The following ZNF207 variants were observed in gnomAD, a reference collection of about 807,000 sequenced individuals.
ZNF207 encodes the protein zinc finger protein 207.
Under a neutral mutation model 60.2 loss-of-function variants are expected in ZNF207, and 24 were observed. The ratio of observed to expected loss-of-function variants is 0.40; its 90% CI spans 0.29 to 0.56. The LOEUF (loss-of-function observed/expected upper bound fraction) is 0.56, where lower values mean the gene tolerates loss of function less well. Ranked by LOEUF, ZNF207 falls within the 20% of genes least tolerant of loss-of-function variation. ZNF207 has a pLI of 0.49. For missense variants in ZNF207, 452 were observed against 636.6 expected (o/e 0.71, Z 3.12); for synonymous variants, 236 against 194.7 (o/e 1.21, Z -1.77).
At chr17:32,363,238 C>T (rs1016364237) in intron 7 of ZNF207, among the ~76,000 whole-genome samples, 1 of 152,084 alleles carries the variant, frequency 6.6e-6, no homozygotes. Context: ...CAGGCGCCTG[C>T]TACCACACCT....
intron 8 of ZNF207, among the ~76,000 whole-genome samples, chr17:32,365,744 T>G (rs1335638971): frequency 2.6e-5 from 4 of 151,216 alleles, no homozygotes; most frequent in Non-Finnish European, 5.9e-5. Flanking sequence ...CTTAGTTTTT[T>G]TTTTTTTTTT....
rs1272641605 is a variant in ZNF207 at position 32,357,341 on chromosome 17, TATTATTA to T, written c.169-1161_169-1155del. 1.3e-3 allele frequency among the ~76,000 whole-genome samples: 106 copies of T among 83,198 alleles called. 4 individuals are homozygous for T. Among genetic ancestry groups the T allele is most frequent in the African/African-American group, 4.5e-3 (82 of 18,420 alleles). 54.6% of individuals were successfully genotyped at this position (83,198 alleles called of 152,430 possible). ...TTATTATTATTATTATTATTATTAT[TATTATTA>T]TTATTTTTTTTTTTTTTTGAGACAG... is the stretch of plus-strand genomic sequence containing the variant. On this transcript the variant is annotated intron_variant, in intron 2 of 11. Coordinates refer to ENST00000394670, the MANE Select transcript of ZNF207 (RefSeq NM_001098507.2).
rs1409748963 is a variant in ZNF207, at chr17:32,371,073, A to G, written c.*1314A>G. 4 of 152,206 alleles carry G rather than the reference A, an allele frequency of 2.6e-5. No homozygotes were observed. Among genetic ancestry groups the G allele is most frequent in the Admixed American group, 6.5e-5 (1 of 15,280 alleles). The allele number at this position is 152,206 out of a possible 1,614,324, so 9.4% of individuals were successfully genotyped here. A position where few individuals can be genotyped will look rare whatever the true frequency, so the allele number is the denominator to read the frequency against. On this transcript the variant is annotated 3_prime_UTR_variant, in exon 12 of 12. Transcript: ENST00000394670. ...TCTGTAGAGATGACTGCTATTCAAT[A>G]TTTTGTGTTGCAACCTCTTAAAATA...
chr17:32,365,514 G>A, intron 8 of ZNF207, 27 bp downstream of exon 8: 1 of 1,609,130 alleles, frequency 6.2e-7, no homozygotes, highest in Non-Finnish European at 8.5e-7. Flanking sequence ...GAAAAGGAGT[G>A]CACTTATATT....
In ZNF207 at chr17:32,360,605, A is replaced by G. The variant is rs775192243; in HGVS notation, c.315A>G (p.Gln105=). 14 of 1,589,776 alleles carry G rather than the reference A, an allele frequency of 8.8e-6. No homozygotes were observed. Among genetic ancestry groups the G allele is most frequent in the Middle Eastern group, 1.7e-4 (1 of 5,954 alleles). The change falls in exon 4 of 12, where the codon CAA becomes CAG. Residue 105 remains glutamine (Q), a synonymous_variant. Transcript: ENST00000394670. Reference sequence around the variant, plus strand: ...ATTTTTTTTTTTTAACAGAAAGTCAAAAAAAGAAGCAACAAGATGATTCTG... The same window carrying G: ...ATTTTTTTTTTTTAACAGAAAGTCAGAAAAAGAAGCAACAAGATGATTCTG... ...RLLEQKTQES[Q]KKKQQDDSDE...
rs1033211405 is a variant in ZNF207, at chr17:32,381,109, A to G, written c.*11350A>G. On this transcript the variant is annotated 3_prime_UTR_variant, in exon 12 of 12. Coordinates refer to ENST00000394670, the MANE Select transcript of ZNF207 (RefSeq NM_001098507.2). ...TTGATTATTTCTGAGGAAAAGGTCC[A>G]TTTATTTCCAAACTAGTCTGTAGTG... 2 of 152,250 alleles carry G rather than the reference A, an allele frequency of 1.3e-5. No homozygotes were observed. The highest frequency in any genetic ancestry group is 4.8e-5 in the African/African-American group (2 of 41,478). 9.4% of individuals were successfully genotyped at this position (152,250 alleles called of 1,614,324 possible).
chr17:32,363,691 C>G (rs1474830541), intron 7 of ZNF207, among the ~76,000 whole-genome samples: 1 of 151,884 alleles, frequency 6.6e-6, no homozygotes, highest in African/African-American at 2.4e-5. Context: ...ACTACCACGC[C>G]TGGCTCATTT....
At chr17:32,361,185 C>A in intron 5 of ZNF207, 1 of 595,198 alleles carries the variant, frequency 1.7e-6, no homozygotes, top group Non-Finnish European at 2.9e-6. Flanking sequence ...ATGTAAGCAA[C>A]CATCTACTTC....
Position 32,375,140 on chromosome 17 carries a change from A to G in ZNF207, c.*5381A>G, listed in dbSNP as rs1291004885. On this transcript the variant is annotated 3_prime_UTR_variant, in exon 12 of 12. Coordinates refer to ENST00000394670, the MANE Select transcript of ZNF207 (RefSeq NM_001098507.2). ...GTATATGGTTTTCATTCTTGGAAGC[A>G]TAAAGAAAAAATATGCATTAAATGA... 9.9e-5 allele frequency: 15 copies of G among 152,256 alleles called. No individual in the cohort carries two copies. The highest frequency in any genetic ancestry group is 3.6e-4 in the African/African-American group (15 of 41,474). 9.4% of individuals were successfully genotyped at this position (152,256 alleles called of 1,614,324 possible). A position where few individuals can be genotyped will look rare whatever the true frequency, so the allele number is the denominator to read the frequency against.
chr17:32,369,685 C>T lies in ZNF207; in HGVS notation c.1411C>T (p.Pro471Ser). ...PYGQGPPMVP[P>S]YQGGPPRPPM... is the part of the protein sequence containing the mutation. ...TGGGCAGGGACCGCCAATGGTGCCC[C>T]CTTACCAGGGTGGGCCTCCTCGACC... The change falls in exon 12 of 12, where the codon CCT becomes TCT. Residue 471 changes from proline (P) to serine (S), a missense_variant. Pro to Ser is a moderately conservative substitution (Grantham distance 74, BLOSUM62 -1). Transcript: ENST00000394670. The T allele has an allele frequency of 6.3e-6, 10 of 1,598,608 alleles. No homozygotes were observed. The highest frequency in any genetic ancestry group is 8.5e-6 in the Non-Finnish European group (10 of 1,173,266).
rs1213311664 is a variant in ZNF207, at chr17:32,373,749, A to G, written c.*3990A>G. The G allele has an allele frequency of 3.6e-5, 9 of 246,708 alleles. No homozygotes were observed. Among genetic ancestry groups the G allele is most frequent in the African/African-American group, 1.8e-4 (8 of 44,958 alleles). The allele number at this position is 246,708 out of a possible 1,614,324, so 15.3% of individuals were successfully genotyped here. A position where few individuals can be genotyped will look rare whatever the true frequency, so the allele number is the denominator to read the frequency against. ...AACTTCAATAAATTGACAAAATTTG[A>G]TATTTTTGATTGGAGGCAAGAAATG... On this transcript the variant is annotated 3_prime_UTR_variant, in exon 12 of 12. Coordinates refer to ENST00000394670, the MANE Select transcript of ZNF207 (RefSeq NM_001098507.2).
Position 32,365,344 on chromosome 17 carries a change from G to C in ZNF207, c.685G>C (p.Val229Leu), listed in dbSNP as rs1268591015. Residue 229 changes from valine (V) to leucine (L), a missense_variant, in exon 8 of 12, where the codon GTT becomes CTT. Val to Leu is a conservative substitution (Grantham distance 32). Around this residue, in one of 2 missense-constraint regions of ZNF207, gnomAD observed 390 missense variants for 461.4 expected, o/e 0.85. Coordinates refer to ENST00000394670, the MANE Select transcript of ZNF207 (RefSeq NM_001098507.2). ...PGMPPGMPPP[V>L]PRPGIPPMTQ... ...CTTCTCTGCAGGTATGCCCCCACCT[G>C]TTCCACGTCCTGGAATTCCTCCAAT... The C allele has an allele frequency of 6.2e-7, 1 of 1,613,804 alleles. No individual in the cohort carries two copies. Among genetic ancestry groups the C allele is most frequent in the Admixed American group, 1.7e-5 (1 of 59,978 alleles).
intron 7 of ZNF207, among the ~76,000 whole-genome samples, chr17:32,363,377 C>T (rs1425610074): frequency 6.6e-6 from 1 of 151,214 alleles, no homozygotes; most frequent in African/African-American, 2.4e-5. Flanking sequence ...TGTGAGCCAC[C>T]ACGCCTGGCT....
At chr17:32,361,622 C>A in intron 6 of ZNF207, 107 bp downstream of exon 6, 1 of 1,000,918 alleles carries the variant, frequency 1.0e-6, no homozygotes, top group Non-Finnish European at 1.4e-6. Context: ...ATTTTCTAAC[C>A]TTCCTCACTA....
chr17:32,352,593 C>A (rs2041527893), intron 2 of ZNF207, among the ~76,000 whole-genome samples: 1 of 152,196 alleles, frequency 6.6e-6, no homozygotes, highest in South Asian at 2.1e-4. Context: ...AATTAGCAGT[C>A]ATTACTCACT....
chr17:32,361,169 G>C (rs1904860834), intron 5 of ZNF207: 1 of 633,842 alleles, frequency 1.6e-6, no homozygotes, highest in Non-Finnish European at 2.7e-6. Flanking sequence ...TTGGGTTTTA[G>C]GGTATATGTA....
At chr17:32,368,225 C>T in intron 10 of ZNF207, 1 of 632,548 alleles carries the variant, frequency 1.6e-6, no homozygotes, top group East Asian at 2.9e-5. Flanking sequence ...GGTTTCTCTC[C>T]CCTTCCTCCA....
chr17:32,352,332 A>G (rs1165707399), intron 2 of ZNF207, among the ~76,000 whole-genome samples: 1 of 151,860 alleles, frequency 6.6e-6, no homozygotes, highest in Admixed American at 6.6e-5. Context: ...TCACTTACTT[A>G]CTGCAAAAGA....
chr17:32,365,798 T>C (rs1204338392), intron 8 of ZNF207, among the ~76,000 whole-genome samples: 1 of 151,692 alleles, frequency 6.6e-6, no homozygotes, highest in East Asian at 1.9e-4. Context: ...TTAGAAGTTT[T>C]CCTTTACTGA....
Sources: gnomAD v4.1 joint callset for allele counts (sites outside exome capture counted in the v4.1 genomes callset) on GRCh38, gnomAD v4.1.1 for gene constraint, gnomAD v4.1.1 regional missense constraint, MANE v1.5 for transcripts, NCBI Gene and HGNC (gene_info 2026-07-23, HGNC 2026-07-21) for gene names.